ADPGK: variants seen among roughly 807,000 people sequenced by gnomAD.
The protein encoded by ADPGK is ADP-dependent glucokinase.
Under a neutral mutation model 42.4 loss-of-function variants are expected in ADPGK, and 26 were observed. The observed-to-expected ratio is 0.61, with a 90% CI of 0.45 to 0.85. The LOEUF is 0.85. Among genes scored for constraint, ADPGK ranks in the 40% least tolerant of loss-of-function variants. ADPGK has a pLI of 0.00. For synonymous variants in ADPGK, 267 were observed against 252.6 expected (o/e 1.06, Z -0.54); for missense variants, 571 against 627.0 (o/e 0.91, Z 0.95).
intron 1 of ADPGK, among the ~76,000 whole-genome samples, chr15:72,780,060 C>A (rs2066437783): frequency 6.6e-6 from 1 of 152,194 alleles, no homozygotes; most frequent in South Asian, 2.1e-4. Flanking sequence ...GCAAATAAAT[C>A]AATGTGAGAA....
intron 3 of ADPGK, among the ~76,000 whole-genome samples, chr15:72,761,001 TCTCTCCC>T (rs2066185865): frequency 6.6e-6 from 1 of 151,862 alleles, no homozygotes; most frequent in African/African-American, 2.4e-5. Flanking sequence ...GAGATCAATC[TCTCTCCC>T]CCCACCGCAT....
intron 4 of ADPGK, chr15:72,758,112 T>C: frequency 6.2e-7 from 1 of 1,613,354 alleles, no homozygotes; most frequent in Non-Finnish European, 8.5e-7. Flanking sequence ...CCCTCCATCA[T>C]GTGCAATCCA....
In ADPGK at chr15:72,751,502, A is replaced by G. The variant is rs555710181; in HGVS notation, c.*839T>C. 2.0e-5 allele frequency: 3 copies of G among 152,806 alleles called. No individual in the cohort carries two copies. The South Asian group carries it at 6.2e-4, about 32-fold the overall frequency. The allele number at this position is 152,806 out of a possible 1,614,324, so 9.5% of individuals were successfully genotyped here. A position where few individuals can be genotyped will look rare whatever the true frequency, so the allele number is the denominator to read the frequency against. On this transcript the variant is annotated 3_prime_UTR_variant, in exon 7 of 7. Coordinates refer to ENST00000456471, the MANE Select transcript of ADPGK (RefSeq NM_001365225.1). The stretch of plus-strand genomic sequence containing the variant: ...GGTCAAACTCTTTAAATGATCAGTG[A>G]AAACATAAAACATCCATGATCTGTT...
chr15:72,774,842 C>A, intron 2 of ADPGK, 30 bp downstream of exon 2: 2 of 1,576,784 alleles, frequency 1.3e-6, no homozygotes, highest in South Asian at 1.1e-5. Flanking sequence ...TTTTTCCACC[C>A]TTAATTTACT....
intron 1 of ADPGK, chr15:72,783,175 C>A (rs918801436): frequency 5.1e-6 from 6 of 1,186,962 alleles, no homozygotes; most frequent in African/African-American, 4.7e-5. Flanking sequence ...AAAGTTGGAA[C>A]GAGGAAGAAG....
chr15:72,767,418 T>G (rs968117430), intron 3 of ADPGK, among the ~76,000 whole-genome samples: 1 of 149,858 alleles, frequency 6.7e-6, no homozygotes, highest in Non-Finnish European at 1.5e-5. Context: ...ATAGAAGACT[T>G]GAACAACACT....
At chr15:72,755,446 C>T in intron 6 of ADPGK, 110 bp downstream of exon 6, 1 of 754,174 alleles carries the variant, frequency 1.3e-6, no homozygotes. Flanking sequence ...CACAAACCTA[C>T]ATGTCAGTGA....
At chr15:72,760,615 T>C in intron 3 of ADPGK, 88 bp from the exon 4 acceptor site, 6 of 1,416,220 alleles carry the variant, frequency 4.2e-6, no homozygotes, top group Non-Finnish European at 4.7e-6. Context: ...ACATTCAGGC[T>C]GATTCTAATC....
intron 3 of ADPGK, among the ~76,000 whole-genome samples, chr15:72,768,657 C>A (rs2066289239): frequency 6.7e-6 from 1 of 150,248 alleles, no homozygotes. Flanking sequence ...CAGAGCGAGA[C>A]TCCATCTTAA....
intron 1 of ADPGK, among the ~76,000 whole-genome samples, chr15:72,782,618 T>C (rs949696655): frequency 2.6e-5 from 4 of 151,196 alleles, no homozygotes; most frequent in African/African-American, 9.7e-5. Flanking sequence ...ACATGAATGA[T>C]GTCATTTAAT....
At position 72,752,792 on chromosome 15, in the gene ADPGK, C is replaced by T. The variant is rs1415962595; in HGVS notation, c.1043G>A (p.Gly348Asp). 4 of 1,614,196 alleles carry T rather than the reference C, an allele frequency of 2.5e-6. No individual in the cohort carries two copies. In the South Asian group the frequency reaches 3.3e-5, roughly 13 times the overall value. The change falls in exon 7 of 7, where the codon GGT (glycine) becomes GAT (aspartate). Residue 348 changes from glycine (G) to aspartate (D), a missense_variant. Physicochemically the swap from Gly to Asp is moderately conservative, Grantham distance 94. Coordinates refer to ENST00000456471, the MANE Select transcript of ADPGK (RefSeq NM_001365225.1). ...GPHSSLSSWN[G>D]VPDVGMVSDI... is the part of the protein sequence containing the mutation. Reference sequence around the variant, plus strand: ...ACTGACCATGCCCACATCAGGAACACCGTTCCAGGAAGAGAGAGAAGAGTG... The same window carrying T: ...ACTGACCATGCCCACATCAGGAACATCGTTCCAGGAAGAGAGAGAAGAGTG...
rs533241276 is a variant in ADPGK at position 72,752,542 on chromosome 15, T to C, written c.1293A>G (p.Gln431=). 3.7e-6 allele frequency: 6 copies of C among 1,614,232 alleles called. 1 individual carries two copies. Among genetic ancestry groups the C allele is most frequent in the Admixed American group, 3.3e-5 (2 of 60,036 alleles). The change falls in exon 7 of 7, where the codon CAA becomes CAG. Residue 431 remains glutamine, a synonymous_variant. Coordinates refer to ENST00000456471, the MANE Select transcript of ADPGK (RefSeq NM_001365225.1). ...CCTCCGAATGGGAAGTCATGAACTC[T>C]TGGGGTGCCCTCAGAGACACTCGGC... ...DTSRVSLRAP[Q]EFMTSHSEAG...
chr15:72,753,772 C>CT (rs762195673), intron 6 of ADPGK, among the ~76,000 whole-genome samples: 1 of 152,142 alleles, frequency 6.6e-6, no homozygotes, highest in Non-Finnish European at 1.5e-5. Flanking sequence ...ATTGTACAGA[C>CT]TAAGCCTCAG....
intron 2 of ADPGK, among the ~76,000 whole-genome samples, chr15:72,772,829 A>C (rs1230086743): frequency 1.3e-5 from 2 of 152,168 alleles, no homozygotes; most frequent in Non-Finnish European, 2.9e-5. Context: ...GAGGACCTGG[A>C]GAACAAATAA....
Position 72,756,380 on chromosome 15 carries a change from G to A in ADPGK, c.711C>T (p.Asn237=), listed in dbSNP as rs758699069. Residue 237 remains asparagine, a synonymous_variant, in exon 5 of 7, where the codon AAC becomes AAT. Transcript: ENST00000456471. ...ACACCTCCAGCATATTCATGGCCCC[G>A]TTGGAGAGGTCGTGAGAGAAGATGA... ...NRFIFSHDLS[N]GAMNMLEVFV... The A allele has an allele frequency of 1.5e-5, 25 of 1,614,066 alleles. No individual in the cohort carries two copies. The East Asian group carries it at 2.7e-4, about 17-fold the overall frequency.
At chr15:72,769,405 G>A (rs2066301367) in intron 3 of ADPGK, among the ~76,000 whole-genome samples, 1 of 152,166 alleles carries the variant, frequency 6.6e-6, no homozygotes, top group East Asian at 1.9e-4. Context: ...GAGTGCAGTG[G>A]CGCAATCTCG....
At position 72,752,870 on chromosome 15, in the gene ADPGK, AG is replaced by A; in HGVS notation, c.964del (p.Leu324Ter). 1 of 1,613,576 alleles carries A rather than the reference AG, an allele frequency of 6.2e-7. No individual in the cohort carries two copies. The highest frequency in any genetic ancestry group is 8.5e-7 in the Non-Finnish European group (1 of 1,179,652). ...HQQVFPAVTSLGLNEQELLFL... is the reference protein window; with the variant it reads ...HQQVFPAVTSXGLNEQELLFL... Reference sequence around the variant, plus strand: ...TAACAGCTCCTGTTCATTCAGCCCAAGGGAAGTCACCGCGGGAAAGACCTGC... The same window carrying A: ...TAACAGCTCCTGTTCATTCAGCCCAAGGAAGTCACCGCGGGAAAGACCTGC... On this transcript the variant is annotated frameshift_variant, in exon 7 of 7. Coordinates refer to ENST00000456471, the MANE Select transcript of ADPGK (RefSeq NM_001365225.1). LOFTEE classifies it high-confidence loss of function.
At chr15:72,778,144 G>A (rs1461595185) in intron 1 of ADPGK, among the ~76,000 whole-genome samples, 2 of 152,100 alleles carry the variant, frequency 1.3e-5, no homozygotes, top group East Asian at 3.9e-4. Flanking sequence ...AGCTACTCAG[G>A]AAGCTGAGGC....
intron 1 of ADPGK, 139 bp from the exon 2 acceptor site, chr15:72,775,236 A>C (rs1304655415): frequency 1.5e-6 from 1 of 680,784 alleles, no homozygotes; most frequent in African/African-American, 1.8e-5. Context: ...ATTGGGAAGT[A>C]AACAGCACAT....
Sources: gnomAD v4.1 joint callset for allele counts (sites outside exome capture counted in the v4.1 genomes callset) on GRCh38, gnomAD v4.1.1 for gene constraint, MANE v1.5 for transcripts, NCBI Gene and HGNC (gene_info 2026-07-23, HGNC 2026-07-21) for gene names.